Variants in DARS2 observed in about 807,000 individuals in gnomAD.
DARS2 encodes aspartyl-tRNA synthetase 2, mitochondrial.
DARS2 carries 63 observed loss-of-function variants against 83.0 expected under a neutral mutation model. The observed-to-expected ratio is 0.76, with a 90% CI of 0.62 to 0.94. The LOEUF is 0.94. Among genes scored for constraint, DARS2 ranks in the 40% least tolerant of loss-of-function variants. DARS2 has a pLI of 0.00. For missense variants in DARS2, 675 were observed against 774.4 expected, an observed-to-expected ratio of 0.87 and a Z score of 1.52; for synonymous variants, 250 against 269.3, an observed-to-expected ratio of 0.93 and a Z score of 0.70.
chr1:173,828,315 C>A lies in DARS2; in HGVS notation c.228-18C>A. ...ATTTTATCTTAAAATGTTTCTTTTC[C>A]CCCCCCCCATTAATCAGGCAAAACA... On this transcript the variant is annotated intron_variant, in intron 2 of 16. Transcript: ENST00000649689. 12 of 981,438 alleles carry A rather than the reference C, an allele frequency of 1.2e-5. No homozygotes were observed. The highest frequency in any genetic ancestry group is 2.4e-4 in the Middle Eastern group (1 of 4,198). 60.8% of individuals were successfully genotyped at this position (981,438 alleles called of 1,614,324 possible). A position where few individuals can be genotyped will look rare whatever the true frequency, so the allele number is the denominator to read the frequency against.
At chr1:173,851,089 T>C (rs1286683001) in intron 13 of DARS2, among the ~76,000 whole-genome samples, 6 of 151,528 alleles carry the variant, frequency 4.0e-5, no homozygotes, top group Non-Finnish European at 8.8e-5. Context: ...AATACAAAAA[T>C]TAGCTGGGTG....
chr1:173,833,346 T>C (rs1652862912), intron 5 of DARS2, 30 bp from the exon 6 acceptor site: 1 of 1,515,978 alleles, frequency 6.6e-7, no homozygotes, highest in African/African-American at 1.4e-5. Flanking sequence ...TGAAAAATAT[T>C]TAAATATAAA....
intron 13 of DARS2, chr1:173,851,844 TCA>T (rs1653682069): frequency 2.0e-6 from 2 of 985,452 alleles, no homozygotes; most frequent in Non-Finnish European, 2.4e-6. Context: ...AGAAAAAGTT[TCA>T]GAGTTCAGCT....
intron 14 of DARS2, 58 bp from the exon 15 acceptor site, chr1:173,853,737 C>A: frequency 1.3e-6 from 2 of 1,549,352 alleles, no homozygotes; most frequent in South Asian, 2.2e-5. Context: ...GGGTCTTCAA[C>A]CCGTAGAACA....
chr1:173,847,655 C>T (rs1204857953), intron 12 of DARS2, among the ~76,000 whole-genome samples: 2 of 152,102 alleles, frequency 1.3e-5, no homozygotes, highest in East Asian at 3.8e-4. Context: ...ATCATTTGCT[C>T]TAGCCTGCCC....
At position 173,838,101 on chromosome 1, in the gene DARS2, T is replaced by C. The variant is rs371454270; in HGVS notation, c.771-89T>C. The C allele has an allele frequency of 1.1e-3, 1,108 of 1,054,974 alleles. 22 individuals carry two copies. The South Asian group carries it at 0.014, about 13-fold the overall frequency. 65.4% of individuals were successfully genotyped at this position (1,054,974 alleles called of 1,614,324 possible). A position where few individuals can be genotyped will look rare whatever the true frequency, so the allele number is the denominator to read the frequency against. On this transcript the variant is annotated intron_variant, in intron 8 of 16. Coordinates refer to ENST00000649689, the MANE Select transcript of DARS2 (RefSeq NM_018122.5). The stretch of plus-strand genomic sequence containing the variant: ...CTTACGTTTTTTAAGTATCATTGTT[T>C]TATAGCTTGCATTGCTTTAAACTTT...
At chr1:173,856,892 T>A (rs1653877541) in intron 16 of DARS2, 151 bp downstream of exon 16, 1 of 603,520 alleles carries the variant, frequency 1.7e-6, no homozygotes, top group South Asian at 2.2e-5. Flanking sequence ...ATATATTTTT[T>A]AAATATATCT....
chr1:173,853,677 A>G lies in DARS2; in HGVS notation c.1563+110A>G. The G allele has an allele frequency of 6.0e-6, 9 of 1,510,066 alleles. No individual in the cohort carries two copies. The South Asian group carries it at 1.0e-4, about 17-fold the overall frequency. 93.5% of individuals were successfully genotyped at this position (1,510,066 alleles called of 1,614,324 possible). A position where few individuals can be genotyped will look rare whatever the true frequency, so the allele number is the denominator to read the frequency against. ...GACCCAGTTCTGGAAGCCCCAGAAG[A>G]AATTGTGGAGTTTGAGTTAGTAGTA... On this transcript the variant is annotated intron_variant, in intron 14 of 16. Coordinates refer to ENST00000649689, the MANE Select transcript of DARS2 (RefSeq NM_018122.5).
At position 173,838,216 on chromosome 1, in the gene DARS2, G is replaced by A. The variant is rs776992068; in HGVS notation, c.797G>A (p.Arg266Gln). ...DRYFQVARCY[R>Q]DEGSRPDRQP... ...TATTTTCAGGTTGCCCGATGTTATC[G>A]AGATGAAGGTTCAAGACCAGACAGA... is the stretch of plus-strand genomic sequence containing the variant. The change falls in exon 9 of 17, where the codon CGA (arginine) becomes CAA (glutamine). Residue 266 changes from arginine to glutamine, a missense_variant. Physicochemically the swap from Arg to Gln is conservative, Grantham distance 43 (BLOSUM62 1). Coordinates refer to ENST00000649689, the MANE Select transcript of DARS2 (RefSeq NM_018122.5). The A allele has an allele frequency of 1.2e-5, 20 of 1,613,684 alleles. No homozygotes were observed. The highest frequency in any genetic ancestry group is 4.4e-5 in the South Asian group (4 of 91,074).
intron 12 of DARS2, among the ~76,000 whole-genome samples, chr1:173,848,959 G>A (rs977423912): frequency 2.6e-5 from 4 of 151,622 alleles, no homozygotes; most frequent in Middle Eastern, 3.4e-3. Context: ...CATTTTCTTT[G>A]TCTTGTTCTA....
At chr1:173,842,362 G>A (rs1329350343) in intron 11 of DARS2, among the ~76,000 whole-genome samples, 2 of 133,026 alleles carry the variant, frequency 1.5e-5, no homozygotes, top group African/African-American at 2.9e-5. Flanking sequence ...GCAGTGGCGC[G>A]ATCTTGGCTT....
chr1:173,841,867 A>G (rs1653225020), intron 11 of DARS2, among the ~76,000 whole-genome samples: 1 of 152,218 alleles, frequency 6.6e-6, no homozygotes, highest in African/African-American at 2.4e-5. Context: ...ATATGTGAGC[A>G]TAAAATAATA....
In DARS2 at chr1:173,825,217, G is replaced by C. The variant is rs1026520351; in HGVS notation, c.-13G>C. 1.9e-6 allele frequency: 3 copies of C among 1,609,944 alleles called. No homozygotes were observed. Among genetic ancestry groups the C allele is most frequent in the African/African-American group, 1.3e-5 (1 of 74,688 alleles). The stretch of plus-strand genomic sequence containing the variant: ...GATTTCGTGATTGTTTTTCGCCATC[G>C]TGTGGCTCCAACATGTACTTCCCTT... On this transcript the variant is annotated 5_prime_UTR_variant, in exon 1 of 17. Coordinates refer to ENST00000649689, the MANE Select transcript of DARS2 (RefSeq NM_018122.5).
intron 12 of DARS2, among the ~76,000 whole-genome samples, chr1:173,845,843 G>A (rs748614206): frequency 7.9e-5 from 12 of 152,038 alleles, no homozygotes; most frequent in Admixed American, 5.2e-4. Context: ...CCAATATGGC[G>A]AAACCCCATC....
rs1653599454 is a variant in DARS2, at chr1:173,850,270, T to C, written c.1192-57T>C. 67 of 1,497,890 alleles carry C rather than the reference T, an allele frequency of 4.5e-5. 1 individual carries two copies. The South Asian group carries it at 8.1e-4, about 18-fold the overall frequency. The allele number at this position is 1,497,890 out of a possible 1,614,324, so 92.8% of individuals were successfully genotyped here. On this transcript the variant is annotated intron_variant, in intron 12 of 16. Coordinates refer to ENST00000649689, the MANE Select transcript of DARS2 (RefSeq NM_018122.5). ...ATCTTTGTATTATAAGAAGATAAATTAATCCCACTGTTCAAAAAAAAAAAA... is the reference window on the plus strand; with the variant it reads ...ATCTTTGTATTATAAGAAGATAAATCAATCCCACTGTTCAAAAAAAAAAAA...
intron 10 of DARS2, 30 bp from the exon 11 acceptor site, chr1:173,840,836 A>G (rs780243804): frequency 1.7e-6 from 2 of 1,179,602 alleles, no homozygotes; most frequent in African/African-American, 3.0e-5. Flanking sequence ...CTTCATATTT[A>G]GTTATCTCTT....
rs182319107 is a variant in DARS2, at chr1:173,858,522, T to C, written c.*817T>C. 105 of 152,238 alleles carry C rather than the reference T, an allele frequency of 6.9e-4. No homozygotes were observed. The highest frequency in any genetic ancestry group is 2.4e-3 in the African/African-American group (101 of 41,572). 9.4% of individuals were successfully genotyped at this position (152,238 alleles called of 1,614,324 possible). On this transcript the variant is annotated 3_prime_UTR_variant, in exon 17 of 17. Coordinates refer to ENST00000649689, the MANE Select transcript of DARS2 (RefSeq NM_018122.5). ...TCAGATTAAACAAAACTGATATCAATAGTAAAAGTCATTTTACTTATCAAT... is the reference window on the plus strand; with the variant it reads ...TCAGATTAAACAAAACTGATATCAACAGTAAAAGTCATTTTACTTATCAAT...
chr1:173,828,187 TA>T (rs1652656402), intron 2 of DARS2, 145 bp from the exon 3 acceptor site: 7 of 845,196 alleles, frequency 8.3e-6, no homozygotes, highest in South Asian at 3.4e-5. Flanking sequence ...ATAATTATCA[TA>T]AAAAACATGA....
chr1:173,825,559 C>T (rs1055017560), intron 1 of DARS2, among the ~76,000 whole-genome samples: 2 of 151,838 alleles, frequency 1.3e-5, no homozygotes, highest in African/African-American at 4.8e-5. Flanking sequence ...AGCTCCGCCT[C>T]CCGGGTTCAC....
Sources: allele counts gnomAD v4.1 joint callset (sites outside exome capture counted in the v4.1 genomes callset), GRCh38; gene constraint gnomAD v4.1.1; transcripts MANE v1.5; gene names NCBI Gene and HGNC (gene_info 2026-07-23, HGNC 2026-07-21).